NDST3: variants seen among roughly 807,000 people sequenced by gnomAD.
NDST3 encodes N-deacetylase and N-sulfotransferase 3.
In NDST3, 58 loss-of-function variants were observed where a neutral mutation model predicts 96.1. The ratio of observed to expected loss-of-function variants is 0.60; its 90% CI spans 0.49 to 0.75. The LOEUF (loss-of-function observed/expected upper bound fraction) is 0.75. Among genes scored for constraint, NDST3 ranks in the 30% least tolerant of loss-of-function variants. NDST3 has a pLI of 0.00. For synonymous variants in NDST3, 333 were observed against 359.7 expected (o/e 0.93, Z 0.84); for missense variants, 788 against 1,034.2 (o/e 0.76, Z 3.27).
At chr4:118,175,630 G>T (rs28715892) in intron 6 of NDST3, among the ~76,000 whole-genome samples, 1,816 of 152,166 alleles carry the variant, frequency 0.012, 32 homozygotes, top group African/African-American at 0.041. Flanking sequence ...ACACTGGGAG[G>T]CACACGCCAT....
At chr4:118,237,648 G>A (rs1157723343) in intron 10 of NDST3, among the ~76,000 whole-genome samples, 1 of 152,118 alleles carries the variant, frequency 6.6e-6, no homozygotes, top group Non-Finnish European at 1.5e-5. Context: ...CTCTACCATT[G>A]TATTTCGAAA....
intron 6 of NDST3, among the ~76,000 whole-genome samples, chr4:118,178,087 T>G (rs113154869): frequency 4.6e-5 from 7 of 151,908 alleles, no homozygotes; most frequent in African/African-American, 7.2e-5. Flanking sequence ...AAAAAAAGCA[T>G]AAGTCCTTTT....
At chr4:118,126,029 G>A (rs1005126745) in intron 4 of NDST3, among the ~76,000 whole-genome samples, 1 of 151,930 alleles carries the variant, frequency 6.6e-6, no homozygotes, top group South Asian at 2.1e-4. Context: ...GGCTACTACA[G>A]GACTCCTTCC....
chr4:118,064,126 C>A (rs1252094008), intron 2 of NDST3, among the ~76,000 whole-genome samples: 3 of 152,070 alleles, frequency 2.0e-5, no homozygotes, highest in African/African-American at 7.2e-5. Context: ...AGTGACAGGC[C>A]CTTCTGGCGC....
At chr4:118,125,141 T>A (rs1731941862) in intron 4 of NDST3, among the ~76,000 whole-genome samples, 1 of 152,134 alleles carries the variant, frequency 6.6e-6, no homozygotes, top group African/African-American at 2.4e-5. Flanking sequence ...ATGGTGGGAC[T>A]TCCTGGCATG....
chr4:118,100,447 A>G (rs185430036), intron 2 of NDST3, among the ~76,000 whole-genome samples: 30 of 152,176 alleles, frequency 2.0e-4, no homozygotes, highest in Admixed American at 1.8e-3. Context: ...GGCCTCCTAT[A>G]TCTATATCCA....
chr4:118,229,389 T>C (rs1225290221), intron 8 of NDST3, among the ~76,000 whole-genome samples: 3 of 152,224 alleles, frequency 2.0e-5, no homozygotes, highest in Non-Finnish European at 4.4e-5. Context: ...CTGACAAAAA[T>C]ATAAAACCGA....
At chr4:118,229,225 T>A (rs1377759075) in intron 8 of NDST3, among the ~76,000 whole-genome samples, 1 of 152,172 alleles carries the variant, frequency 6.6e-6, no homozygotes, top group Non-Finnish European at 1.5e-5. Flanking sequence ...TGCTTGAACC[T>A]GGGAGGCAGA....
intron 11 of NDST3, among the ~76,000 whole-genome samples, chr4:118,241,809 T>C (rs1339886969): frequency 6.6e-6 from 1 of 152,214 alleles, no homozygotes; most frequent in African/African-American, 2.4e-5. Flanking sequence ...ACTGCCTTTT[T>C]TGTTTTCATA....
At chr4:118,054,916 C>G (rs762756053) in intron 2 of NDST3, 25 bp downstream of exon 2, 33 of 1,602,836 alleles carry the variant, frequency 2.1e-5, no homozygotes, top group Non-Finnish European at 2.5e-5. Context: ...TCTCAAGTTT[C>G]AAAGTTCAGT....
At chr4:118,240,463 GA>G in intron 10 of NDST3, 60 bp from the exon 11 acceptor site, 1 of 1,359,156 alleles carries the variant, frequency 7.4e-7, no homozygotes, top group Non-Finnish European at 9.8e-7. Context: ...CACAAAGATT[GA>G]TTTTTAATTA....
rs140544161 is a variant in NDST3 at position 118,138,071 on chromosome 4, G to C, written c.1242G>C (p.Thr414=). ...GGTCTTAGGAGCACGGCATTCCAAC[G>C]GACATGGGCTACGCTGTGGCCCCTC... ...KKFALEHGIP[T]DMGYAVAPHH... is the part of the protein sequence containing the mutation. Residue 414 remains threonine (T), a synonymous_variant, in exon 5 of 14, where the codon ACG becomes ACC. Coordinates refer to ENST00000296499, the MANE Select transcript of NDST3 (RefSeq NM_004784.3). 2.5e-6 allele frequency: 4 copies of C among 1,608,408 alleles called. No homozygotes were observed. Among genetic ancestry groups the C allele is most frequent in the Non-Finnish European group, 3.4e-6 (4 of 1,177,606 alleles).
chr4:118,139,492 T>G (rs1484252764), intron 5 of NDST3, among the ~76,000 whole-genome samples: 1 of 152,080 alleles, frequency 6.6e-6, no homozygotes, highest in African/African-American at 2.4e-5. Flanking sequence ...AGACAGTTGA[T>G]TACACAATAA....
At chr4:118,087,858 T>C (rs904828377) in intron 2 of NDST3, among the ~76,000 whole-genome samples, 5 of 152,102 alleles carry the variant, frequency 3.3e-5, no homozygotes, top group African/African-American at 1.2e-4. Flanking sequence ...CATGGGAGGT[T>C]GACCTTACCA....
intron 9 of NDST3, among the ~76,000 whole-genome samples, chr4:118,235,257 G>T (rs1740564596): frequency 6.6e-6 from 1 of 152,152 alleles, no homozygotes; most frequent in Non-Finnish European, 1.5e-5. Context: ...TGAATAACCT[G>T]AATTTACATT....
intron 6 of NDST3, among the ~76,000 whole-genome samples, chr4:118,190,797 G>C (rs1440908605): frequency 6.6e-6 from 1 of 152,188 alleles, no homozygotes; most frequent in Non-Finnish European, 1.5e-5. Context: ...CCCAAACCCA[G>C]AGGCTCTGAA....
chr4:118,198,267 GA>G (rs1321848315), intron 6 of NDST3, among the ~76,000 whole-genome samples: 1 of 151,860 alleles, frequency 6.6e-6, no homozygotes, highest in Non-Finnish European at 1.5e-5. Context: ...TTCTTTTTGC[GA>G]AGGTAATTTT....
At chr4:118,232,948 A>C in intron 8 of NDST3, 64 bp from the exon 9 acceptor site, 1 of 1,452,652 alleles carries the variant, frequency 6.9e-7, no homozygotes, top group Admixed American at 1.8e-5. Flanking sequence ...ATGACTTTAA[A>C]GTGTTGATCA....
intron 6 of NDST3, among the ~76,000 whole-genome samples, chr4:118,216,550 T>A (rs1385545638): frequency 6.6e-6 from 1 of 152,118 alleles, no homozygotes; most frequent in East Asian, 1.9e-4. Context: ...AGAGTTTAAA[T>A]AACTTGCTAA....
Sources: allele counts gnomAD v4.1 joint callset (sites outside exome capture counted in the v4.1 genomes callset), GRCh38; gene constraint gnomAD v4.1.1; transcripts MANE v1.5; gene names NCBI Gene and HGNC (gene_info 2026-07-23, HGNC 2026-07-21).